SRD5A2: variants seen among roughly 807,000 people sequenced by gnomAD.
SRD5A2 encodes 3-oxo-5-alpha-steroid 4-dehydrogenase 2.
Under a neutral mutation model 27.4 loss-of-function variants are expected in SRD5A2, and 30 were observed. The observed-to-expected ratio is 1.10, with a 90% CI of 0.82 to 1.49. The LOEUF (loss-of-function observed/expected upper bound fraction) is 1.49, where lower values mean the gene tolerates loss of function less well. Among genes scored for constraint, SRD5A2 ranks in the 40% most tolerant of loss-of-function variants. The pLI, the probability that SRD5A2 is intolerant of heterozygous loss-of-function variation, is 0.00. For synonymous variants in SRD5A2, 141 were observed against 133.6 expected (o/e 1.06, Z -0.38); for missense variants, 348 against 323.4 (o/e 1.08, Z -0.58).
chr2:31,615,271 G>A, the SRD5A2 span, among the ~76,000 whole-genome samples: 2 of 152,224 alleles, frequency 1.3e-5, no homozygotes, highest in South Asian at 4.1e-4. Context: ...CAGGTTGGAG[G>A]GCTAAGAAGA....
the SRD5A2 span, among the ~76,000 whole-genome samples, chr2:31,633,543 T>G: frequency 2.0e-5 from 3 of 152,172 alleles, no homozygotes; most frequent in Non-Finnish European, 4.4e-5. Flanking sequence ...GAGCCGCAGA[T>G]GCAGTCCATG....
intron 1 of SRD5A2, among the ~76,000 whole-genome samples, chr2:31,557,935 G>T (rs1396780531): frequency 6.6e-6 from 1 of 152,214 alleles, no homozygotes; most frequent in Non-Finnish European, 1.5e-5. Context: ...ACAATCCTCT[G>T]ATAGGACTAG....
chr2:31,582,385 T>A (rs1667098504), upstream of SRD5A2, among the ~76,000 whole-genome samples: 1 of 152,210 alleles, frequency 6.6e-6, no homozygotes, highest in Admixed American at 6.5e-5. Context: ...CAGGGCACCC[T>A]CTGCTTGCTG....
upstream of SRD5A2, among the ~76,000 whole-genome samples, chr2:31,584,955 C>G (rs1004089800): frequency 6.6e-6 from 1 of 152,210 alleles, no homozygotes; most frequent in African/African-American, 2.4e-5. Context: ...CACACCCTGG[C>G]AGCTGTGGTG....
At chr2:31,574,895 C>T (rs564631066) in intron 1 of SRD5A2, among the ~76,000 whole-genome samples, 1 of 152,322 alleles carries the variant, frequency 6.6e-6, no homozygotes, top group South Asian at 2.1e-4. Context: ...TATTGGAATA[C>T]AACCACATTC....
At chr2:31,628,290 AC>A in the SRD5A2 span, among the ~76,000 whole-genome samples, 165 of 152,034 alleles carry the variant, frequency 1.1e-3, 1 homozygote, top group African/African-American at 3.8e-3. Context: ...TAGAACAGCA[AC>A]CCCTGCTTTT....
At chr2:31,645,410 A>G in the SRD5A2 span, among the ~76,000 whole-genome samples, 5 of 152,190 alleles carry the variant, frequency 3.3e-5, no homozygotes, top group African/African-American at 1.2e-4. Context: ...TCTGTATCCC[A>G]TAAATACATA....
chr2:31,642,358 G>A, the SRD5A2 span, among the ~76,000 whole-genome samples: 1 of 151,950 alleles, frequency 6.6e-6, no homozygotes, highest in African/African-American at 2.4e-5. Flanking sequence ...CCAAGTCCTT[G>A]CATCTGAATC....
At chr2:31,566,914 C>T (rs1194329865) in intron 1 of SRD5A2, among the ~76,000 whole-genome samples, 2 of 152,170 alleles carry the variant, frequency 1.3e-5, no homozygotes, top group Non-Finnish European at 2.9e-5. Context: ...CAGCTATTTA[C>T]ATCACTTTAT....
the SRD5A2 span, among the ~76,000 whole-genome samples, chr2:31,647,239 G>A: frequency 6.6e-6 from 1 of 152,140 alleles, no homozygotes; most frequent in Admixed American, 6.5e-5. Flanking sequence ...ACACCTTAGC[G>A]TGTATTCAAT....
the SRD5A2 span, among the ~76,000 whole-genome samples, chr2:31,619,531 G>C: frequency 6.6e-6 from 1 of 152,020 alleles, no homozygotes; most frequent in Non-Finnish European, 1.5e-5. Context: ...CTTCAACAAT[G>C]ACTGAACTAA....
chr2:31,568,531 G>A (rs1344605011), intron 1 of SRD5A2, among the ~76,000 whole-genome samples: 6 of 152,274 alleles, frequency 3.9e-5, no homozygotes. Context: ...AGGGCGTGCT[G>A]ATTGGTCCAT....
At chr2:31,537,303 G>A (rs1490020602) in intron 1 of SRD5A2, among the ~76,000 whole-genome samples, 1 of 151,914 alleles carries the variant, frequency 6.6e-6, no homozygotes, top group East Asian at 1.9e-4. Context: ...CCATTTTCCT[G>A]CTTTCCTTTA....
At position 31,522,769 on chromosome 2, in the gene SRD5A2, T is replaced by G. The variant is rs1665683499; in HGVS notation, c.*3427A>C. On this transcript the variant is annotated 3_prime_UTR_variant, in exon 5 of 5. Transcript: ENST00000622030. ...AGCATCCTTCTCCAGAAAAATTCAC[T>G]TTACATTTGCCGTTACCCTCCTTGT... The G allele has an allele frequency of 4.5e-6, 1 of 223,030 alleles. No individual in the cohort carries two copies. Among genetic ancestry groups the G allele is most frequent in the Non-Finnish European group, 9.0e-6 (1 of 111,668 alleles). 13.8% of individuals were successfully genotyped at this position (223,030 alleles called of 1,614,324 possible).
intron 1 of SRD5A2, among the ~76,000 whole-genome samples, chr2:31,543,150 T>C (rs922844686): frequency 6.6e-6 from 1 of 152,158 alleles, no homozygotes; most frequent in Non-Finnish European, 1.5e-5. Flanking sequence ...GGGCTGATAT[T>C]TTCAAAGTGC....
the SRD5A2 span, among the ~76,000 whole-genome samples, chr2:31,634,928 T>C: frequency 6.6e-6 from 1 of 152,192 alleles, no homozygotes; most frequent in South Asian, 2.1e-4. Context: ...CTTGATTCAC[T>C]CATTCATTGA....
intron 1 of SRD5A2, among the ~76,000 whole-genome samples, chr2:31,541,500 A>G (rs1666127684): frequency 6.6e-6 from 1 of 152,226 alleles, no homozygotes; most frequent in Admixed American, 6.5e-5. Context: ...TAAGAACTGG[A>G]AAAGAGGGAG....
At chr2:31,594,281 C>G in the SRD5A2 span, among the ~76,000 whole-genome samples, 5 of 152,098 alleles carry the variant, frequency 3.3e-5, no homozygotes, top group Non-Finnish European at 7.4e-5. Flanking sequence ...ATTCCACCAA[C>G]CAAGTATCTG....
the SRD5A2 span, among the ~76,000 whole-genome samples, chr2:31,634,340 G>A: frequency 6.6e-6 from 1 of 152,094 alleles, no homozygotes; most frequent in East Asian, 1.9e-4. Context: ...AAAAGGTAGA[G>A]AGGCAAAATA....
Sources: gnomAD v4.1 joint callset for allele counts (sites outside exome capture counted in the v4.1 genomes callset) on GRCh38, gnomAD v4.1.1 for gene constraint, MANE v1.5 for transcripts, NCBI Gene and HGNC (gene_info 2026-07-23, HGNC 2026-07-21) for gene names.